The following RAB20 variants were observed in gnomAD, a reference collection of about 807,000 sequenced individuals.
RAB20 encodes RAB20, member RAS oncogene family.
Under a neutral mutation model 3.7 loss-of-function variants are expected in RAB20, and 2 were observed. The observed-to-expected ratio is 0.54, with a 90% CI of 0.22 to 1.69. RAB20 has a LOEUF of 1.69. RAB20 is among the 40% of genes most tolerant of loss of function. The pLI, the probability that RAB20 is intolerant of heterozygous loss-of-function variation, is 0.19. For missense variants in RAB20, 276 were observed against 311.9 expected, an observed-to-expected ratio of 0.88 and a Z score of 0.87; for synonymous variants, 126 against 130.8, an observed-to-expected ratio of 0.96 and a Z score of 0.25.
chr13:110,523,796 G>A lies in RAB20; in HGVS notation c.574C>T (p.Leu192Phe). ...AGGTCAAAGAGGGTCTCAAACAGGA[G>A]GTCCACATTGTAGCCGGTCTTGGCG... ...TSAKTGYNVD[L>F]LFETLFDLVV... Residue 192 changes from leucine to phenylalanine, a missense_variant, in exon 2 of 2, where the codon CTC (leucine) becomes TTC (phenylalanine). Transcript: ENST00000267328. 6.2e-7 allele frequency: 1 copy of A among 1,614,216 alleles called. No individual in the cohort carries two copies. Among genetic ancestry groups the A allele is most frequent in the Non-Finnish European group, 8.5e-7 (1 of 1,180,054 alleles).
chr13:110,557,442 C>T (rs1480753991), intron 1 of RAB20, among the ~76,000 whole-genome samples: 1 of 152,202 alleles, frequency 6.6e-6, no homozygotes, highest in East Asian at 1.9e-4. Flanking sequence ...CACTAGGAGG[C>T]CCACCATCCG....
chr13:110,526,626 T>G (rs1285405508), intron 1 of RAB20, among the ~76,000 whole-genome samples: 3 of 152,050 alleles, frequency 2.0e-5, no homozygotes. Flanking sequence ...GGAGAAAACA[T>G]CATCTTTGTT....
chr13:110,535,404 C>T (rs1884622571), intron 1 of RAB20, among the ~76,000 whole-genome samples: 2 of 152,198 alleles, frequency 1.3e-5, no homozygotes, highest in African/African-American at 4.8e-5. Flanking sequence ...ATGAAGGAGG[C>T]GTGAAGTTAC....
intron 1 of RAB20, among the ~76,000 whole-genome samples, chr13:110,535,323 C>A (rs1395647844): frequency 6.6e-6 from 1 of 152,220 alleles, no homozygotes; most frequent in Admixed American, 6.5e-5. Flanking sequence ...GACCCCCAAC[C>A]CGAACCCACC....
chr13:110,561,581 C>T lies in RAB20; in HGVS notation c.-62G>A. 6.7e-7 allele frequency: 1 copy of T among 1,499,106 alleles called. No individual in the cohort carries two copies. Among genetic ancestry groups the T allele is most frequent in the South Asian group, 1.3e-5 (1 of 74,972 alleles). 92.9% of individuals were successfully genotyped at this position (1,499,106 alleles called of 1,614,324 possible). ...CCCCGAGGCTGGCCGGCTCGTGCGC[C>T]CTGGGCGCAGCTGGAGGAGCGGACC... is the stretch of plus-strand genomic sequence containing the variant. On this transcript the variant is annotated 5_prime_UTR_variant, in exon 1 of 2. Transcript: ENST00000267328.
intron 1 of RAB20, among the ~76,000 whole-genome samples, chr13:110,550,386 G>A (rs1448001293): frequency 1.3e-5 from 2 of 152,202 alleles, no homozygotes; most frequent in Non-Finnish European, 2.9e-5. Flanking sequence ...AGAGGGGGTC[G>A]TGGGAACCCC....
intron 1 of RAB20, among the ~76,000 whole-genome samples, chr13:110,549,500 C>T (rs907858373): frequency 1.7e-4 from 26 of 152,182 alleles, no homozygotes; most frequent in Non-Finnish European, 8.8e-5. Context: ...GTGCCTTAGG[C>T]CTCAGGAACA....
intron 1 of RAB20, among the ~76,000 whole-genome samples, chr13:110,536,723 GGGC>G (rs1566586048): frequency 1.9e-4 from 9 of 46,840 alleles, no homozygotes; most frequent in East Asian, 1.3e-3. Context: ...CTTTTTTTTG[GGGC>G]GGTGGGGGGG....
chr13:110,533,127 C>T (rs143982864), intron 1 of RAB20, among the ~76,000 whole-genome samples: 2,730 of 152,362 alleles, frequency 0.018, 49 homozygotes, highest in Middle Eastern at 0.044. Flanking sequence ...TAAGCAACTC[C>T]AGCAATGGCA....
At chr13:110,559,828 G>A (rs1885101849) in intron 1 of RAB20, among the ~76,000 whole-genome samples, 1 of 152,158 alleles carries the variant, frequency 6.6e-6, no homozygotes, top group Non-Finnish European at 1.5e-5. Flanking sequence ...CATTCCCTCC[G>A]ATGCAGGGGC....
chr13:110,561,275 C>T, intron 1 of RAB20, 73 bp downstream of exon 1: 2 of 1,458,758 alleles, frequency 1.4e-6, no homozygotes, highest in Non-Finnish European at 1.8e-6. Context: ...GCCGGGTGCC[C>T]TGCTGGAAGC....
chr13:110,544,029 A>T (rs971602739), intron 1 of RAB20, among the ~76,000 whole-genome samples: 3 of 152,090 alleles, frequency 2.0e-5, no homozygotes, highest in African/African-American at 7.2e-5. Context: ...CACCCACGTC[A>T]GCCTCCCAAA....
chr13:110,540,310 T>C (rs1211416260), intron 1 of RAB20, among the ~76,000 whole-genome samples: 2 of 152,256 alleles, frequency 1.3e-5, no homozygotes, highest in Non-Finnish European at 2.9e-5. Flanking sequence ...AATGAGATTA[T>C]CAAATAAAAG....
At chr13:110,552,038 T>C (rs952923253) in intron 1 of RAB20, among the ~76,000 whole-genome samples, 1 of 151,792 alleles carries the variant, frequency 6.6e-6, no homozygotes, top group African/African-American at 2.4e-5. Context: ...GATCACAGCA[T>C]TGCATTCTAG....
intron 1 of RAB20, among the ~76,000 whole-genome samples, chr13:110,557,258 T>C (rs1428404712): frequency 5.3e-5 from 8 of 152,044 alleles, no homozygotes; most frequent in Non-Finnish European, 1.2e-4. Flanking sequence ...TGTGATGAAG[T>C]TGGATATGTA....
At chr13:110,526,525 CCT>C (rs778798771) in intron 1 of RAB20, among the ~76,000 whole-genome samples, 2 of 152,188 alleles carry the variant, frequency 1.3e-5, no homozygotes, top group Admixed American at 6.5e-5. Context: ...GGCAACTTCC[CCT>C]GAGTGTGTGG....
chr13:110,550,540 ACACCCAGCTGGTATC>A (rs1884936146), intron 1 of RAB20, among the ~76,000 whole-genome samples: 1 of 152,088 alleles, frequency 6.6e-6, no homozygotes, highest in African/African-American at 2.4e-5. Flanking sequence ...AAACTGGAGG[ACACCCAGCTGGTATC>A]CACTGCTCGC....
rs918480879 is a variant in RAB20 at position 110,560,326 on chromosome 13, A to AG, written c.172+1021dup. ...AAAAGCATCAAAGAAGGCAAAAGGG[A>AG]GGGGGAGAACTGGAAGTACCTCTGT... On this transcript the variant is annotated intron_variant, in intron 1 of 1. Transcript: ENST00000267328. Among the ~76,000 whole-genome samples the AG allele has an allele frequency of 5.4e-4, 83 of 152,308 alleles. 1 individual carries two copies. The highest frequency in any genetic ancestry group is 1.9e-3 in the African/African-American group (78 of 41,580).
At chr13:110,524,345 T>A (rs895226635) in intron 1 of RAB20, 148 bp from the exon 2 acceptor site, 35 of 1,285,900 alleles carry the variant, frequency 2.7e-5, no homozygotes. Flanking sequence ...TGATGGAGAA[T>A]GTGCCACCCA....
Sources: gnomAD v4.1 joint callset for allele counts (sites outside exome capture counted in the v4.1 genomes callset) on GRCh38, gnomAD v4.1.1 for gene constraint, MANE v1.5 for transcripts, NCBI Gene and HGNC (gene_info 2026-07-23, HGNC 2026-07-21) for gene names.